Variants in MARCHF1 observed in about 807,000 individuals in gnomAD.
The protein encoded by MARCHF1 is E3 ubiquitin-protein ligase MARCHF1.
MARCHF1 carries 40 observed loss-of-function variants against 54.2 expected under a neutral mutation model. That is an observed-to-expected ratio of 0.74 (90% confidence interval 0.57 to 0.96). The LOEUF (loss-of-function observed/expected upper bound fraction) is 0.96. Ranked by LOEUF, MARCHF1 falls within the 40% of genes least tolerant of loss-of-function variation. The pLI is 0.00. For synonymous variants in MARCHF1, 236 were observed against 236.3 expected, an observed-to-expected ratio of 1.00 and a Z score of 0.01; for missense variants, 586 against 656.5, an observed-to-expected ratio of 0.89 and a Z score of 1.17.
intron 8 of MARCHF1, among the ~76,000 whole-genome samples, chr4:163,578,319 T>C (rs1740105213): frequency 6.6e-6 from 1 of 152,122 alleles, no homozygotes; most frequent in Non-Finnish European, 1.5e-5. Context: ...CAAGTGAGGT[T>C]ATGTTTTCCC....
intron 2 of MARCHF1, among the ~76,000 whole-genome samples, chr4:164,017,366 T>C (rs1017883597): frequency 6.6e-6 from 1 of 152,012 alleles, no homozygotes; most frequent in Non-Finnish European, 1.5e-5. Context: ...AAGAAAAGCC[T>C]ACACAAAACA....
At chr4:164,258,016 T>C (rs1293792150) in intron 1 of MARCHF1, among the ~76,000 whole-genome samples, 1 of 152,128 alleles carries the variant, frequency 6.6e-6, no homozygotes, top group East Asian at 1.9e-4. Context: ...TGCCCATCAA[T>C]GATAGACTGG....
chr4:163,545,341 AT>A (rs1186177940), intron 9 of MARCHF1, among the ~76,000 whole-genome samples: 1 of 152,176 alleles, frequency 6.6e-6, no homozygotes, highest in Non-Finnish European at 1.5e-5. Context: ...GGTGTGTGCC[AT>A]TTGTGTGTAA....
At chr4:163,570,995 G>A (rs992241159) in intron 8 of MARCHF1, among the ~76,000 whole-genome samples, 2 of 152,034 alleles carry the variant, frequency 1.3e-5, no homozygotes, top group Non-Finnish European at 2.9e-5. Context: ...TACAGATACC[G>A]TTAGTAATTT....
chr4:164,143,815 C>T (rs1237762979), intron 1 of MARCHF1, among the ~76,000 whole-genome samples: 2 of 152,132 alleles, frequency 1.3e-5, no homozygotes, highest in Non-Finnish European at 2.9e-5. Context: ...CAAATTCACA[C>T]ATAACAATAT....
Position 163,594,755 on chromosome 4 carries a change from CACAA to C in MARCHF1, c.1011-8830_1011-8827del, listed in dbSNP as rs994976335. ...CCCATCAGAATGGCTATTATCAAAACACAAACACACACACACACACACACACACA... is the reference window on the plus strand; with the variant it reads ...CCCATCAGAATGGCTATTATCAAAACACACACACACACACACACACACACA... On this transcript the variant is annotated intron_variant, in intron 7 of 9. Transcript: ENST00000514618. Among the ~76,000 whole-genome samples the C allele has an allele frequency of 2.9e-4, 13 of 44,490 alleles. No homozygotes were observed. The East Asian group carries it at 6.4e-3, about 22-fold the overall frequency. The allele number at this position is 44,490 out of a possible 152,430, so 29.2% of individuals were successfully genotyped here. A position where few individuals can be genotyped will look rare whatever the true frequency, so the allele number is the denominator to read the frequency against.
At chr4:163,785,372 T>C (rs967228291) in intron 4 of MARCHF1, among the ~76,000 whole-genome samples, 2 of 152,146 alleles carry the variant, frequency 1.3e-5, no homozygotes, top group African/African-American at 4.8e-5. Context: ...CGATTGAAAG[T>C]GTGTCACAAC....
At chr4:163,813,652 ATC>A (rs1748454726) in intron 4 of MARCHF1, among the ~76,000 whole-genome samples, 1 of 152,228 alleles carries the variant, frequency 6.6e-6, no homozygotes, top group Non-Finnish European at 1.5e-5. Flanking sequence ...ATTAAGCAGC[ATC>A]TGTCAAAAAT....
At chr4:163,946,549 A>C (rs895549656) in intron 3 of MARCHF1, among the ~76,000 whole-genome samples, 1 of 152,166 alleles carries the variant, frequency 6.6e-6, no homozygotes, top group African/African-American at 2.4e-5. Context: ...CTTCTAGTCC[A>C]AGACAGTTAT....
intron 2 of MARCHF1, among the ~76,000 whole-genome samples, chr4:164,106,251 C>A (rs1361200180): frequency 4.7e-5 from 6 of 127,080 alleles, no homozygotes; most frequent in Non-Finnish European, 8.1e-5. Flanking sequence ...TTTGACCCAG[C>A]CATCCCATTA....
At chr4:164,096,444 C>T (rs376896338) in intron 2 of MARCHF1, among the ~76,000 whole-genome samples, 24 of 152,024 alleles carry the variant, frequency 1.6e-4, no homozygotes, top group African/African-American at 5.3e-4. Context: ...AGGGAAAGGG[C>T]TGAAAAACTT....
At chr4:164,174,116 G>C (rs1730601537) in intron 1 of MARCHF1, among the ~76,000 whole-genome samples, 1 of 152,126 alleles carries the variant, frequency 6.6e-6, no homozygotes, top group Non-Finnish European at 1.5e-5. Flanking sequence ...AAGATAATAA[G>C]GGTATTCTTC....
chr4:163,553,032 CAAAAAA>C (rs778572383), intron 8 of MARCHF1, among the ~76,000 whole-genome samples: 1 of 64,420 alleles, frequency 1.6e-5, no homozygotes. Context: ...GACTCCGTCT[CAAAAAA>C]AAAAAAAAAA....
intron 5 of MARCHF1, among the ~76,000 whole-genome samples, chr4:163,648,508 C>A (rs11729015): frequency 0.61 from 91,625 of 151,186 alleles, 29,208 homozygotes; most frequent in African/African-American, 0.8. Flanking sequence ...GCATTTTTGC[C>A]TCTCTTCTAG....
chr4:163,581,304 T>G (rs1231268641), intron 8 of MARCHF1, among the ~76,000 whole-genome samples: 1 of 152,238 alleles, frequency 6.6e-6, no homozygotes. Context: ...AAAATTGAAT[T>G]AGTTAAATGA....
intron 8 of MARCHF1, among the ~76,000 whole-genome samples, chr4:163,548,563 C>G (rs1738990222): frequency 6.6e-6 from 1 of 152,178 alleles, no homozygotes. Flanking sequence ...AGTTAACATT[C>G]TAAGGAGAAG....
chr4:163,732,696 A>G (rs1368223227), intron 4 of MARCHF1, among the ~76,000 whole-genome samples: 1 of 152,146 alleles, frequency 6.6e-6, no homozygotes, highest in Admixed American at 6.5e-5. Flanking sequence ...TGCAAGCTAG[A>G]AAACAGTGGA....
chr4:164,170,870 A>T (rs1212345868), intron 1 of MARCHF1, among the ~76,000 whole-genome samples: 1 of 152,128 alleles, frequency 6.6e-6, no homozygotes, highest in African/African-American at 2.4e-5. Context: ...CCATTACAAT[A>T]TCCTGGTTGG....
intron 4 of MARCHF1, among the ~76,000 whole-genome samples, chr4:163,746,239 AG>A (rs1746355799): frequency 6.6e-6 from 1 of 152,182 alleles, no homozygotes; most frequent in African/African-American, 2.4e-5. Context: ...TTTCTAGAAT[AG>A]GTGTAGTTGA....
Sources: allele counts gnomAD v4.1 joint callset (sites outside exome capture counted in the v4.1 genomes callset), GRCh38; gene constraint gnomAD v4.1.1; transcripts MANE v1.5; gene names NCBI Gene and HGNC (gene_info 2026-07-23, HGNC 2026-07-21).